The following TECPR2 variants were observed in gnomAD, a reference collection of about 807,000 sequenced individuals.
TECPR2 encodes the protein tectonin beta-propeller repeat-containing protein 2.
A neutral mutation model predicts 138.1 loss-of-function variants in TECPR2; 65 were observed. That is an observed-to-expected ratio of 0.47 (90% CI 0.39 to 0.58). The LOEUF (loss-of-function observed/expected upper bound fraction) is 0.58, where lower values mean the gene tolerates loss of function less well. Among genes scored for constraint, TECPR2 ranks in the 20% least tolerant of loss-of-function variants. The probability of loss-of-function intolerance (pLI) is 0.00; values close to 1 mark genes in which losing one functional copy is unlikely to be tolerated. For synonymous variants in TECPR2, 746 were observed against 749.8 expected (o/e 0.99, Z 0.08); for missense variants, 1,553 against 1,824.5 (o/e 0.85, Z 2.71).
Position 102,392,266 on chromosome 14 carries a change from T to A in TECPR2, c.220-15072T>A, listed in dbSNP as rs929498309. ...CCTCAGCCTCCCAAAGTGCTGGGAT[T>A]ACAGGCGTGAGCCACTGCGCCTGGC... On this transcript the variant is annotated intron_variant, in intron 2 of 19. Transcript: ENST00000359520. Among the ~76,000 whole-genome samples, 16 of 152,228 alleles carry A rather than the reference T, an allele frequency of 1.1e-4. 1 individual carries two copies. Among genetic ancestry groups the A allele is most frequent in the African/African-American group, 3.6e-4 (15 of 41,470 alleles).
chr14:102,405,348 A>T (rs181298606), intron 2 of TECPR2, among the ~76,000 whole-genome samples: 6 of 152,094 alleles, frequency 3.9e-5, no homozygotes, highest in African/African-American at 1.2e-4. Flanking sequence ...CAATGAAAAA[A>T]CCCAATTCAA....
At position 102,414,678 on chromosome 14, in the gene TECPR2, A is replaced by G. The variant is rs914763987; in HGVS notation, c.523A>G (p.Ile175Val). The G allele has an allele frequency of 6.2e-7, 1 of 1,614,240 alleles. No homozygotes were observed. Among genetic ancestry groups the G allele is most frequent in the Admixed American group, 1.7e-5 (1 of 60,024 alleles). Residue 175 changes from isoleucine to valine, a missense_variant, in exon 5 of 20, where the codon ATT becomes GTT. By Grantham distance (29) the Ile-to-Val change is conservative (BLOSUM62 3). Coordinates refer to ENST00000359520, the MANE Select transcript of TECPR2 (RefSeq NM_014844.5). ...GCTGGTGTTGGAGGAGCCATCTTCC[A>G]TTGTGCAGCTGGATTATAGCCAGAA... is the stretch of plus-strand genomic sequence containing the variant. ...SQLVLEEPSS[I>V]VQLDYSQKVL...
intron 4 of TECPR2, among the ~76,000 whole-genome samples, chr14:102,410,195 C>T (rs890977746): frequency 6.6e-6 from 1 of 152,174 alleles, no homozygotes; most frequent in African/African-American, 2.4e-5. Context: ...CTCTATAGCT[C>T]TATTTTCAAA....
At chr14:102,456,383 T>A (rs1414805906) in intron 16 of TECPR2, among the ~76,000 whole-genome samples, 1 of 152,184 alleles carries the variant, frequency 6.6e-6, no homozygotes, top group Non-Finnish European at 1.5e-5. Context: ...TTAAGACTCC[T>A]TTCCTGTTTC....
At chr14:102,482,533 G>A (rs1890914021) in intron 17 of TECPR2, among the ~76,000 whole-genome samples, 1 of 152,174 alleles carries the variant, frequency 6.6e-6, no homozygotes. Flanking sequence ...CCCAGCTGTT[G>A]TCCTAGCGTC....
rs1163354297 is a variant in TECPR2, at chr14:102,502,259, G to A, written c.*4002G>A. On this transcript the variant is annotated 3_prime_UTR_variant, in exon 20 of 20. Coordinates refer to ENST00000359520, the MANE Select transcript of TECPR2 (RefSeq NM_014844.5). Reference sequence around the variant, plus strand: ...GGGGGAGGGAGACAACCCAAACGTTGGAGGGTATTTGTTGTAAACTTCAAA... The same window carrying A: ...GGGGGAGGGAGACAACCCAAACGTTAGAGGGTATTTGTTGTAAACTTCAAA... 1 of 152,614 alleles carries A rather than the reference G, an allele frequency of 6.6e-6. No individual in the cohort carries two copies. The highest frequency in any genetic ancestry group is 2.4e-5 in the African/African-American group (1 of 41,446). The allele number at this position is 152,614 out of a possible 1,614,324, so 9.5% of individuals were successfully genotyped here. A position where few individuals can be genotyped will look rare whatever the true frequency, so the allele number is the denominator to read the frequency against.
At chr14:102,413,207 G>T (rs59741319) in intron 4 of TECPR2, among the ~76,000 whole-genome samples, 13,036 of 151,870 alleles carry the variant, frequency 0.086, 726 homozygotes, top group African/African-American at 0.17. Context: ...ACCCAAAAAG[G>T]GACGAAATTT....
chr14:102,482,101 G>A (rs551502917), intron 17 of TECPR2, among the ~76,000 whole-genome samples: 3 of 151,674 alleles, frequency 2.0e-5, no homozygotes, highest in Middle Eastern at 3.4e-3. Context: ...CCAGGCTGGC[G>A]TGCAATGGTG....
intron 10 of TECPR2, among the ~76,000 whole-genome samples, chr14:102,439,856 C>T (rs536954799): frequency 1.4e-3 from 211 of 152,324 alleles, no homozygotes; most frequent in African/African-American, 5.0e-3. Flanking sequence ...GCTATCCTGC[C>T]TTCCCTTTCC....
chr14:102,479,036 A>G (rs1450250895), intron 17 of TECPR2, among the ~76,000 whole-genome samples: 1 of 148,484 alleles, frequency 6.7e-6, no homozygotes. Context: ...AAAAAAAAGG[A>G]AAAAAAAAAG....
Position 102,445,975 on chromosome 14 carries a change from C to T in TECPR2, c.3075+28C>T, listed in dbSNP as rs142039670. On this transcript the variant is annotated intron_variant, in intron 13 of 19. Transcript: ENST00000359520. ...AGGTGTTCAGCTCTGCGCCACGTGCCGAGGTCTCCCGACCTTTTCTGCTTC... is the reference window on the plus strand; with the variant it reads ...AGGTGTTCAGCTCTGCGCCACGTGCTGAGGTCTCCCGACCTTTTCTGCTTC... 1.9e-3 allele frequency: 3,037 copies of T among 1,593,276 alleles called. 6 individuals are homozygous for T. Among genetic ancestry groups the T allele is most frequent in the Non-Finnish European group, 2.4e-3 (2,760 of 1,166,218 alleles).
At chr14:102,430,266 G>C (rs1407751513) in intron 7 of TECPR2, among the ~76,000 whole-genome samples, 1 of 152,120 alleles carries the variant, frequency 6.6e-6, no homozygotes. Flanking sequence ...GAGCCACCGC[G>C]CCCAGCCTAA....
At chr14:102,465,877 A>G (rs1391324325) in intron 17 of TECPR2, among the ~76,000 whole-genome samples, 1 of 152,140 alleles carries the variant, frequency 6.6e-6, no homozygotes, top group African/African-American at 2.4e-5. Flanking sequence ...TAAAGATCCC[A>G]CAGGCTTGGT....
chr14:102,387,422 T>G (rs922860409), intron 2 of TECPR2, among the ~76,000 whole-genome samples: 2 of 152,160 alleles, frequency 1.3e-5, no homozygotes, highest in Non-Finnish European at 2.9e-5. Context: ...CCAAAAAGAC[T>G]ACCTGACCTG....
chr14:102,484,204 CA>C (rs908294548), intron 17 of TECPR2, among the ~76,000 whole-genome samples: 3 of 152,124 alleles, frequency 2.0e-5, no homozygotes, highest in African/African-American at 7.2e-5. Context: ...AAGACATTCT[CA>C]ACCTTATTTC....
chr14:102,445,052 G>C (rs1889934855), intron 12 of TECPR2, among the ~76,000 whole-genome samples: 1 of 152,254 alleles, frequency 6.6e-6, no homozygotes, highest in Non-Finnish European at 1.5e-5. Flanking sequence ...TCAGTTCCAA[G>C]TCTCATGGGG....
At chr14:102,490,616 C>T (rs1027300764) in intron 17 of TECPR2, among the ~76,000 whole-genome samples, 45 of 152,340 alleles carry the variant, frequency 3.0e-4, no homozygotes, top group African/African-American at 9.6e-4. Flanking sequence ...TGCTGAGCTC[C>T]GCCCCGGCCT....
chr14:102,419,657 C>T lies in TECPR2; in HGVS notation c.638+4864C>T, dbSNP rs1384549830. Among the ~76,000 whole-genome samples, 1 of 152,124 alleles carries T rather than the reference C, an allele frequency of 6.6e-6. No homozygotes were observed. Among genetic ancestry groups the T allele is most frequent in the Non-Finnish European group, 1.5e-5 (1 of 68,014 alleles). On this transcript the variant is annotated intron_variant, in intron 5 of 19. Coordinates refer to ENST00000359520, the MANE Select transcript of TECPR2 (RefSeq NM_014844.5). The surrounding 1 kb of genome is among the most constrained non-coding windows in gnomAD (Gnocchi z 4.8). ...GCCCAGAGGTAGAAGACGAGGGGTC[C>T]TCTTCCCGTCGAGTCCGTGAACCTC...
At chr14:102,375,580 T>G (rs1219427360) in intron 1 of TECPR2, among the ~76,000 whole-genome samples, 1 of 152,150 alleles carries the variant, frequency 6.6e-6, no homozygotes, top group African/African-American at 2.4e-5. Flanking sequence ...TGGAAGTTGG[T>G]CAGTCCACTA....
Sources: gnomAD v4.1 joint callset for allele counts (sites outside exome capture counted in the v4.1 genomes callset) on GRCh38, gnomAD v4.1.1 for gene constraint, Gnocchi (gnomAD v3.1) non-coding constraint, MANE v1.5 for transcripts, NCBI Gene and HGNC (gene_info 2026-07-23, HGNC 2026-07-21) for gene names.